The following PCDHA11 variants were observed in gnomAD, a reference collection of about 807,000 sequenced individuals.
The protein encoded by PCDHA11 is protocadherin alpha 11, also known as protocadherin alpha-11.
PCDHA11 carries 61 observed loss-of-function variants against 70.3 expected under a neutral mutation model. That is an observed-to-expected ratio of 0.87 (90% CI 0.71 to 1.07). The LOEUF (loss-of-function observed/expected upper bound fraction) is 1.07. Among genes scored for constraint, PCDHA11 ranks in the 50% least tolerant of loss-of-function variants. The pLI, the probability that PCDHA11 is intolerant of heterozygous loss-of-function variation, is 0.00. For synonymous variants in PCDHA11, 633 were observed against 555.1 expected (o/e 1.14, Z -1.97); for missense variants, 1,324 against 1,237.5 (o/e 1.07, Z -1.05).
At chr5:140,995,281 A>G (rs1159938577) in intron 3 of PCDHA11, among the ~76,000 whole-genome samples, 1 of 152,144 alleles carries the variant, frequency 6.6e-6, no homozygotes. Context: ...TGATACCAAA[A>G]CAGCCAGTCG....
At chr5:140,923,045 T>C (rs1554201134) in intron 1 of PCDHA11, among the ~76,000 whole-genome samples, 1 of 152,226 alleles carries the variant, frequency 6.6e-6, no homozygotes, top group Non-Finnish European at 1.5e-5. Context: ...ATGTATAGTA[T>C]TTAGAATAAA....
intron 1 of PCDHA11, among the ~76,000 whole-genome samples, chr5:140,909,701 T>A (rs1038404823): frequency 4.6e-4 from 70 of 152,334 alleles, no homozygotes; most frequent in African/African-American, 1.6e-3. Flanking sequence ...TTCTGCTAGC[T>A]GCTAAGTATA....
rs898079440 is a variant in PCDHA11, at chr5:140,897,263, A to T, written c.2391+25769A>T. Among the ~76,000 whole-genome samples, 4 of 151,888 alleles carry T rather than the reference A, an allele frequency of 2.6e-5. No individual in the cohort carries two copies. The South Asian group carries it at 6.2e-4, about 24-fold the overall frequency. On this transcript the variant is annotated intron_variant, in intron 1 of 3. Transcript: ENST00000398640. Reference sequence around the variant, plus strand: ...TTAGTTACATATGTATACATGTGCCATGCTGGTGTGCTGCACCCATTAACT... The same window carrying T: ...TTAGTTACATATGTATACATGTGCCTTGCTGGTGTGCTGCACCCATTAACT...
chr5:140,904,555 CT>C (rs569725486), intron 1 of PCDHA11, among the ~76,000 whole-genome samples: 14 of 151,628 alleles, frequency 9.2e-5, no homozygotes, highest in Non-Finnish European at 1.8e-4. Context: ...CATATAATGA[CT>C]TTTTTTTCCT....
At chr5:140,976,585 C>A (rs1415996919) in intron 1 of PCDHA11, among the ~76,000 whole-genome samples, 1 of 152,064 alleles carries the variant, frequency 6.6e-6, no homozygotes, top group African/African-American at 2.4e-5. Flanking sequence ...AAAACACAGA[C>A]TTTTGTGTTA....
At chr5:140,941,209 T>TCC (rs59604197) in intron 1 of PCDHA11, among the ~76,000 whole-genome samples, 12 of 126,888 alleles carry the variant, frequency 9.5e-5, no homozygotes, top group Admixed American at 4.0e-4. Flanking sequence ...CTTCCTTTCT[T>TCC]TCTTCCTTTC....
In PCDHA11 at chr5:140,990,870, T is replaced by G. The variant is rs550033552; in HGVS notation, c.2539+8307T>G. Among the ~76,000 whole-genome samples, 16 of 152,274 alleles carry G rather than the reference T, an allele frequency of 1.1e-4. No individual in the cohort carries two copies. The South Asian group carries it at 3.3e-3, about 32-fold the overall frequency. On this transcript the variant is annotated intron_variant, in intron 3 of 3. Coordinates refer to ENST00000398640, the MANE Select transcript of PCDHA11 (RefSeq NM_018902.5). ...AGCCCTGAGGACATTGTATTTTAAG[T>G]GTATGTTCCAGTGAGTGGGTCGTTG...
chr5:140,883,320 C>T, intron 1 of PCDHA11: 1 of 1,614,112 alleles, frequency 6.2e-7, no homozygotes, highest in Non-Finnish European at 8.5e-7. Flanking sequence ...CCAGAGGTTA[C>T]CATCACTTCT....
At chr5:140,985,577 G>A (rs1265916995) in intron 3 of PCDHA11, among the ~76,000 whole-genome samples, 1 of 152,116 alleles carries the variant, frequency 6.6e-6, no homozygotes, top group Non-Finnish European at 1.5e-5. Flanking sequence ...TGGTGCCTAA[G>A]CCTCCTTATA....
intron 1 of PCDHA11, among the ~76,000 whole-genome samples, chr5:140,914,270 ATATATT>A (rs1554196274): frequency 6.6e-6 from 1 of 152,146 alleles, no homozygotes; most frequent in Non-Finnish European, 1.5e-5. Context: ...GTGGGTGCAT[ATATATT>A]TATAATTGTT....
chr5:140,876,411 T>C (rs782457800), intron 1 of PCDHA11: 1 of 1,613,974 alleles, frequency 6.2e-7, no homozygotes, highest in South Asian at 1.1e-5. Flanking sequence ...TTGAAGAGAA[T>C]AATGCCTATG....
At chr5:140,944,566 A>G (rs782290531) in intron 1 of PCDHA11, among the ~76,000 whole-genome samples, 37 of 152,182 alleles carry the variant, frequency 2.4e-4, no homozygotes, top group African/African-American at 7.5e-4. Context: ...CTGGCAACTT[A>G]CTGTAGAGAT....
At chr5:140,936,124 C>T (rs2090779585) in intron 1 of PCDHA11, among the ~76,000 whole-genome samples, 1 of 152,130 alleles carries the variant, frequency 6.6e-6, no homozygotes, top group African/African-American at 2.4e-5. Context: ...AACTCCTGAC[C>T]TTAAGTGATC....
At chr5:140,885,985 G>A (rs879977606) in intron 1 of PCDHA11, among the ~76,000 whole-genome samples, 3 of 152,110 alleles carry the variant, frequency 2.0e-5, no homozygotes, top group Admixed American at 2.0e-4. Context: ...AGATTCGCAT[G>A]TGGTTGAAAG....
chr5:140,884,358 A>G lies in PCDHA11; in HGVS notation c.2391+12864A>G, dbSNP rs546242835. On this transcript the variant is annotated intron_variant, in intron 1 of 3. Coordinates refer to ENST00000398640, the MANE Select transcript of PCDHA11 (RefSeq NM_018902.5). Reference sequence around the variant, plus strand: ...CCAGAAGCGGCGCTGGTGGATGTCAATGTTTACTTGATCATTGCCATCTGC... The same window carrying G: ...CCAGAAGCGGCGCTGGTGGATGTCAGTGTTTACTTGATCATTGCCATCTGC... The G allele has an allele frequency of 7.8e-5, 126 of 1,613,886 alleles. 3 individuals carry two copies. The South Asian group carries it at 1.1e-3, about 14-fold the overall frequency.
intron 1 of PCDHA11, among the ~76,000 whole-genome samples, chr5:140,942,747 A>C (rs1291200302): frequency 6.6e-6 from 1 of 152,232 alleles, no homozygotes; most frequent in African/African-American, 2.4e-5. Flanking sequence ...AAAATCTTGT[A>C]TAAATGAGAT....
At chr5:140,895,835 A>G (rs782780692) in intron 1 of PCDHA11, among the ~76,000 whole-genome samples, 3 of 152,096 alleles carry the variant, frequency 2.0e-5, no homozygotes, top group Non-Finnish European at 4.4e-5. Context: ...TTTTCAGACA[A>G]AGTCTCACTC....
chr5:141,009,905 G>A lies in PCDHA11; in HGVS notation c.2818G>A (p.Gly940Arg), dbSNP rs781954349. The change falls in exon 4 of 4, where the codon GGG becomes AGG. Residue 940 changes from glycine (G) to arginine (R), a missense_variant. Physicochemically the swap from Gly to Arg is moderately radical, Grantham distance 125. Coordinates refer to ENST00000398640, the MANE Select transcript of PCDHA11 (RefSeq NM_018902.5). ...GNKTQEKKEK[G>R]NSTTDNSDQ Reference sequence around the variant, plus strand: ...CAAGACCCAGGAGAAAAAAGAGAAAGGGAACAGCACGACTGACAACAGTGA... The same window carrying A: ...CAAGACCCAGGAGAAAAAAGAGAAAAGGAACAGCACGACTGACAACAGTGA... 7.4e-6 allele frequency: 12 copies of A among 1,613,058 alleles called. No homozygotes were observed. Among genetic ancestry groups the A allele is most frequent in the Non-Finnish European group, 1.0e-5 (12 of 1,179,832 alleles).
At chr5:140,977,936 A>G (rs1444613652) in intron 1 of PCDHA11, among the ~76,000 whole-genome samples, 2 of 152,202 alleles carry the variant, frequency 1.3e-5, no homozygotes, top group African/African-American at 4.8e-5. Context: ...CTATACCTCA[A>G]TATTCAGTGA....
Sources: gnomAD v4.1 joint callset for allele counts (sites outside exome capture counted in the v4.1 genomes callset) on GRCh38, gnomAD v4.1.1 for gene constraint, MANE v1.5 for transcripts, NCBI Gene and HGNC (gene_info 2026-07-23, HGNC 2026-07-21) for gene names.